Variants in GRIK2 observed in about 807,000 individuals in gnomAD.
GRIK2 encodes glutamate receptor ionotropic, kainate 2.
GRIK2 carries 32 observed loss-of-function variants against 100.3 expected under a neutral mutation model. The ratio of observed to expected loss-of-function variants is 0.32; its 90% CI spans 0.24 to 0.43. The LOEUF (loss-of-function observed/expected upper bound fraction) is 0.43. Among genes scored for constraint, GRIK2 ranks in the 20% least tolerant of loss-of-function variants. The probability of loss-of-function intolerance (pLI) is 1.00; values close to 1 mark genes in which losing one functional copy is unlikely to be tolerated. For synonymous variants in GRIK2, 417 were observed against 389.4 expected (o/e 1.07, Z -0.83); for missense variants, 843 against 1,114.9 (o/e 0.76, Z 3.47).
At chr6:101,455,811 G>T (rs954479508) in intron 2 of GRIK2, among the ~76,000 whole-genome samples, 25 of 152,128 alleles carry the variant, frequency 1.6e-4, no homozygotes, top group African/African-American at 6.0e-4. Context: ...GAAAATAACG[G>T]TATTTATGAC....
intron 2 of GRIK2, among the ~76,000 whole-genome samples, chr6:101,460,995 C>T (rs372780685): frequency 7.3e-4 from 111 of 152,102 alleles, no homozygotes; most frequent in African/African-American, 2.5e-3. Flanking sequence ...CTGTTATTAT[C>T]GTAGACATCA....
At chr6:101,498,650 G>A (rs1022095230) in intron 2 of GRIK2, among the ~76,000 whole-genome samples, 66 of 151,492 alleles carry the variant, frequency 4.4e-4, no homozygotes, top group Admixed American at 1.8e-3. Flanking sequence ...GTGTCTTTTG[G>A]CTGCATAAAT....
rs901072017 is a variant in GRIK2 at position 101,598,801 on chromosome 6, G to A, written c.116-23148G>A. Among the ~76,000 whole-genome samples the A allele has an allele frequency of 4.0e-5, 6 of 151,594 alleles. No individual in the cohort carries two copies. The South Asian group carries it at 8.3e-4, about 21-fold the overall frequency. ...GTTTTTTAACACCAGAGGCTATTATGTCCTCATTTTGGTCAGTTAATTTTC... is the reference window on the plus strand; with the variant it reads ...GTTTTTTAACACCAGAGGCTATTATATCCTCATTTTGGTCAGTTAATTTTC... On this transcript the variant is annotated intron_variant, in intron 2 of 16. Coordinates refer to ENST00000369134, the MANE Select transcript of GRIK2 (RefSeq NM_021956.5).
At chr6:101,968,369 T>C (rs1792829040) in intron 14 of GRIK2, among the ~76,000 whole-genome samples, 2 of 152,030 alleles carry the variant, frequency 1.3e-5, no homozygotes, top group African/African-American at 4.8e-5. Flanking sequence ...GCAATTTTTT[T>C]CTTTACTGAA....
intron 13 of GRIK2, chr6:101,927,872 C>G (rs187336042): frequency 5.2e-5 from 8 of 153,980 alleles, no homozygotes; most frequent in Admixed American, 5.1e-4. Context: ...TACACTAAAA[C>G]CCCACATCAT....
chr6:101,413,874 G>A (rs1429242365), intron 2 of GRIK2, among the ~76,000 whole-genome samples: 1 of 117,452 alleles, frequency 8.5e-6, no homozygotes, highest in Non-Finnish European at 1.9e-5. Context: ...CATACAATTT[G>A]CTATTTGTTC....
At chr6:101,924,157 G>T (rs188604053) in intron 12 of GRIK2, among the ~76,000 whole-genome samples, 1 of 151,802 alleles carries the variant, frequency 6.6e-6, no homozygotes, top group East Asian at 1.9e-4. Context: ...TACTTTGGTG[G>T]TTTCTATTAT....
chr6:101,873,823 G>T (rs996405356), intron 11 of GRIK2, among the ~76,000 whole-genome samples: 2 of 152,024 alleles, frequency 1.3e-5, no homozygotes, highest in Non-Finnish European at 2.9e-5. Context: ...TTATGGTTTT[G>T]ATTTGCATTT....
intron 16 of GRIK2, among the ~76,000 whole-genome samples, chr6:102,067,196 G>A (rs1772060204): frequency 6.6e-6 from 1 of 151,522 alleles, no homozygotes; most frequent in Non-Finnish European, 1.5e-5. Flanking sequence ...ATACATTGTG[G>A]AATGGTTAGA....
chr6:102,027,888 TAAAAG>T lies in GRIK2; in HGVS notation c.2086-7445_2086-7441del, dbSNP rs544895162. Among the ~76,000 whole-genome samples, 321 of 151,206 alleles carry T rather than the reference TAAAAG, an allele frequency of 2.1e-3. 2 individuals carry two copies. Among genetic ancestry groups the T allele is most frequent in the African/African-American group, 6.8e-3 (282 of 41,420 alleles). On this transcript the variant is annotated intron_variant, in intron 14 of 16. Coordinates refer to ENST00000369134, the MANE Select transcript of GRIK2 (RefSeq NM_021956.5). Reference sequence around the variant, plus strand: ...TATTTGTCAAATATGTTGCTCCCAGTAAAAGAAAAGAAGATCTATGCAAGTGGTTC... The same window carrying T: ...TATTTGTCAAATATGTTGCTCCCAGTAAAAGAAGATCTATGCAAGTGGTTC...
chr6:101,630,089 C>T (rs1016774516), intron 4 of GRIK2, among the ~76,000 whole-genome samples: 4 of 152,014 alleles, frequency 2.6e-5, no homozygotes, highest in African/African-American at 7.2e-5. Flanking sequence ...TGTATATGTA[C>T]CACATTTTCT....
chr6:102,062,677 T>A (rs918360705), intron 16 of GRIK2, among the ~76,000 whole-genome samples: 4 of 150,602 alleles, frequency 2.7e-5, no homozygotes, highest in African/African-American at 9.7e-5. Flanking sequence ...TCATTTTCCA[T>A]CTTTCATTGC....
chr6:102,068,470 T>C lies in GRIK2; in HGVS notation c.2686T>C (p.Phe896Leu). The change falls in exon 17 of 17, where the codon TTT (phenylalanine) becomes CTT (leucine). Residue 896 changes from phenylalanine (F) to leucine (L), a missense_variant. Physicochemically the swap from Phe to Leu is conservative, Grantham distance 22. Coordinates refer to ENST00000369134, the MANE Select transcript of GRIK2 (RefSeq NM_021956.5). The part of the protein sequence containing the change: ...KTEEVINMHT[F>L]NDRRLPGKET... The stretch of plus-strand genomic sequence containing the variant: ...AGAAGAAGTTATCAACATGCACACA[T>C]TTAACGACAGAAGGTTGCCAGGTAA... 6.2e-7 allele frequency: 1 copy of C among 1,611,924 alleles called. No homozygotes were observed. The highest frequency in any genetic ancestry group is 1.1e-5 in the South Asian group (1 of 91,034).
Position 101,941,801 on chromosome 6 carries a change from A to G in GRIK2, c.2085+13169A>G, listed in dbSNP as rs9498760. Reference sequence around the variant, plus strand: ...GCCCATAGTTTACAATAGCTTTCTAACAATAGGAAAAATCAGTTGATCCTA... The same window carrying G: ...GCCCATAGTTTACAATAGCTTTCTAGCAATAGGAAAAATCAGTTGATCCTA... On this transcript the variant is annotated intron_variant, in intron 14 of 16. Transcript: ENST00000369134. 9.1e-3 allele frequency among the ~76,000 whole-genome samples: 1,387 copies of G among 152,254 alleles called. 19 individuals carry two copies. Among genetic ancestry groups the G allele is most frequent in the African/African-American group, 0.031 (1,302 of 41,568 alleles).
intron 2 of GRIK2, among the ~76,000 whole-genome samples, chr6:101,409,966 G>A (rs1356519930): frequency 1.3e-5 from 2 of 151,896 alleles, no homozygotes; most frequent in African/African-American, 2.4e-5. Flanking sequence ...ATTACAAATA[G>A]GTTGGTAAGG....
At chr6:101,570,181 A>C (rs769673488) in intron 2 of GRIK2, among the ~76,000 whole-genome samples, 13 of 152,072 alleles carry the variant, frequency 8.5e-5, no homozygotes, top group Non-Finnish European at 5.9e-5. Context: ...CATGATCTCT[A>C]TACAGTTTGG....
intron 7 of GRIK2, among the ~76,000 whole-genome samples, chr6:101,753,839 A>T (rs1416284134): frequency 1.3e-5 from 2 of 152,004 alleles, no homozygotes; most frequent in Admixed American, 1.3e-4. Flanking sequence ...GTACAAATAA[A>T]ATCAATTGAA....
chr6:101,650,565 A>G (rs776967118), intron 4 of GRIK2, among the ~76,000 whole-genome samples: 2 of 152,086 alleles, frequency 1.3e-5, no homozygotes, highest in African/African-American at 4.8e-5. Flanking sequence ...GCCCCAAGCA[A>G]AAGTGATGGT....
chr6:101,542,843 C>T (rs1281375044), intron 2 of GRIK2, among the ~76,000 whole-genome samples: 1 of 151,950 alleles, frequency 6.6e-6, no homozygotes, highest in Admixed American at 6.6e-5. Context: ...AATAATTATG[C>T]CCTTTTTTTG....
Sources: allele counts gnomAD v4.1 joint callset (sites outside exome capture counted in the v4.1 genomes callset), GRCh38; gene constraint gnomAD v4.1.1; transcripts MANE v1.5; gene names NCBI Gene and HGNC (gene_info 2026-07-23, HGNC 2026-07-21).